CEP57L1: variants seen among roughly 807,000 people sequenced by gnomAD.
The protein encoded by CEP57L1 is centrosomal protein 57 like 1.
In CEP57L1, 37 loss-of-function variants were observed where a neutral mutation model predicts 61.0. The ratio of observed to expected loss-of-function variants is 0.61; its 90% CI spans 0.47 to 0.80. The LOEUF (loss-of-function observed/expected upper bound fraction) is 0.80, where lower values mean the gene tolerates loss of function less well. CEP57L1 is among the 30% of genes least tolerant of loss of function. The pLI is 0.00. For synonymous variants in CEP57L1, 137 were observed against 162.3 expected (o/e 0.84, Z 1.19); for missense variants, 422 against 524.7 (o/e 0.80, Z 1.91).
chr6:109,107,173 T>A (rs78389289), intron 1 of CEP57L1, among the ~76,000 whole-genome samples: 8,505 of 152,226 alleles, frequency 0.056, 841 homozygotes, highest in African/African-American at 0.2. Context: ...TAAATTAGAC[T>A]TATATTTTTA....
At chr6:109,123,691 C>T (rs1562521803) in intron 1 of CEP57L1, among the ~76,000 whole-genome samples, 1 of 152,102 alleles carries the variant, frequency 6.6e-6, no homozygotes, top group African/African-American at 2.4e-5. Flanking sequence ...TTGTTCTGGT[C>T]ATAAGTTCTA....
chr6:109,146,571 A>G (rs181186956), intron 2 of CEP57L1, among the ~76,000 whole-genome samples, 187 bp from the exon 3 acceptor site: 71 of 152,182 alleles, frequency 4.7e-4, no homozygotes, highest in Non-Finnish European at 4.4e-5. Context: ...TACAAGATAT[A>G]TTAGAGAGAA....
At chr6:109,138,335 G>A (rs1429670048) in intron 1 of CEP57L1, among the ~76,000 whole-genome samples, 3 of 152,074 alleles carry the variant, frequency 2.0e-5, no homozygotes, top group Admixed American at 6.6e-5. Flanking sequence ...AATCTAGGAT[G>A]GTAGCATAGG....
Position 109,172,385 on chromosome 6 carries a change from A to G in CEP57L1, c.*9415A>G, listed in dbSNP as rs1272523607. ...AGATGGAGCTGATACTACATGGCCT[A>G]AGGACTTCACCATTAATCACATTGT... On this transcript the variant is annotated 3_prime_UTR_variant, in exon 11 of 11. Transcript: ENST00000517392. Among the ~76,000 whole-genome samples, 2 of 152,220 alleles carry G rather than the reference A, an allele frequency of 1.3e-5. No homozygotes were observed. Among genetic ancestry groups the G allele is most frequent in the Non-Finnish European group, 2.9e-5 (2 of 68,038 alleles).
chr6:109,110,339 C>A lies in CEP57L1; in HGVS notation c.-4+14764C>A, dbSNP rs565320324. On this transcript the variant is annotated intron_variant, in intron 1 of 10. Transcript: ENST00000517392. ...TGTTTGTTGGCTGCATAAATGTCTT[C>A]TTTTGAGAAGTGTCTGTTCATATCC... 3.3e-5 allele frequency among the ~76,000 whole-genome samples: 5 copies of A among 152,236 alleles called. No individual in the cohort carries two copies. The South Asian group carries it at 1.0e-3, about 32-fold the overall frequency.
intron 7 of CEP57L1, 79 bp from the exon 8 acceptor site, chr6:109,158,946 T>C: frequency 7.1e-7 from 1 of 1,415,160 alleles, no homozygotes; most frequent in Non-Finnish European, 9.7e-7. Context: ...TGTTTTCTGT[T>C]GAGTTTTGAG....
chr6:109,125,038 A>C (rs1224875546), intron 1 of CEP57L1: 1 of 152,210 alleles, frequency 6.6e-6, no homozygotes, highest in Non-Finnish European at 1.5e-5. Context: ...ACAGGTAGGT[A>C]GACAGCAAGG....
intron 7 of CEP57L1, chr6:109,157,039 T>TAAC (rs1407619493): frequency 1.3e-5 from 2 of 152,108 alleles, no homozygotes; most frequent in Non-Finnish European, 2.9e-5. Context: ...TCTGATGGGT[T>TAAC]AATGGAACTT....
At chr6:109,117,424 C>G (rs117402233) in intron 1 of CEP57L1, among the ~76,000 whole-genome samples, 1,779 of 152,254 alleles carry the variant, frequency 0.012, 13 homozygotes, top group Middle Eastern at 0.037. Flanking sequence ...TTGAAGGAAC[C>G]TGAGGCTGTC....
chr6:109,132,074 C>G (rs1266212735), intron 1 of CEP57L1, among the ~76,000 whole-genome samples: 1 of 152,086 alleles, frequency 6.6e-6, no homozygotes, highest in Non-Finnish European at 1.5e-5. Context: ...CATCACAATC[C>G]GATGCTCATG....
chr6:109,136,907 C>T (rs1408485804), intron 1 of CEP57L1, among the ~76,000 whole-genome samples: 2 of 152,030 alleles, frequency 1.3e-5, no homozygotes, highest in South Asian at 2.1e-4. Context: ...AGATGTGCGC[C>T]ACTGCGCCCT....
At chr6:109,148,379 TG>T (rs1583604187) in intron 3 of CEP57L1, among the ~76,000 whole-genome samples, 1 of 152,266 alleles carries the variant, frequency 6.6e-6, no homozygotes, top group East Asian at 1.9e-4. Flanking sequence ...TTTGGTTTTT[TG>T]TCCTTGCGAT....
chr6:109,158,554 AT>A, intron 7 of CEP57L1: 1 of 436,110 alleles, frequency 2.3e-6, no homozygotes, highest in Non-Finnish European at 4.5e-6. Context: ...TGCTATGAAC[AT>A]TTGTGTACAG....
chr6:109,161,451 A>G (rs1773710224), intron 10 of CEP57L1, among the ~76,000 whole-genome samples: 1 of 152,148 alleles, frequency 6.6e-6, no homozygotes, highest in Non-Finnish European at 1.5e-5. Context: ...CTGGCTATGG[A>G]CAAAATCATC....
intron 10 of CEP57L1, 137 bp downstream of exon 10, chr6:109,160,853 A>G (rs1033399745): frequency 1.3e-5 from 10 of 741,616 alleles, no homozygotes; most frequent in East Asian, 3.3e-5. Flanking sequence ...CCTTAGGCCT[A>G]TGACAGAATA....
chr6:109,172,301 C>T lies in CEP57L1; in HGVS notation c.*9331C>T, dbSNP rs543667082. ...CAGATTTTTTCTTGAGGGTTGGTCA[C>T]GTAGGCATAGCATGACTGATAGCCC... On this transcript the variant is annotated 3_prime_UTR_variant, in exon 11 of 11. Transcript: ENST00000517392. 3.3e-4 allele frequency among the ~76,000 whole-genome samples: 50 copies of T among 152,240 alleles called. No individual in the cohort carries two copies. The highest frequency in any genetic ancestry group is 1.1e-3 in the African/African-American group (47 of 41,540).
chr6:109,146,945 A>C lies in CEP57L1; in HGVS notation c.340+8A>C. 6.3e-7 allele frequency: 1 copy of C among 1,599,060 alleles called. No homozygotes were observed. Among genetic ancestry groups the C allele is most frequent in the Non-Finnish European group, 8.5e-7 (1 of 1,175,122 alleles). On this transcript the variant is annotated splice_region_variant and intron_variant, in intron 3 of 10. Transcript: ENST00000517392. ...TGATAAAGCAGAAAAAAGGTAAGAA[A>C]TGCAGTAGTTCTCAGAAACCGGGGG... is the stretch of plus-strand genomic sequence containing the variant.
chr6:109,131,800 C>A (rs574359218), intron 1 of CEP57L1, among the ~76,000 whole-genome samples: 10 of 152,014 alleles, frequency 6.6e-5, no homozygotes, highest in African/African-American at 2.4e-4. Flanking sequence ...AACCTCTTTA[C>A]CTCTAAAGTT....
At chr6:109,122,291 C>T (rs951743253) in intron 1 of CEP57L1, among the ~76,000 whole-genome samples, 1 of 152,112 alleles carries the variant, frequency 6.6e-6, no homozygotes, top group East Asian at 1.9e-4. Context: ...GATAAAATTG[C>T]TTCTATCTTG....
Sources: allele counts gnomAD v4.1 joint callset (sites outside exome capture counted in the v4.1 genomes callset), GRCh38; gene constraint gnomAD v4.1.1; transcripts MANE v1.5; gene names NCBI Gene and HGNC (gene_info 2026-07-23, HGNC 2026-07-21).